The following PTPRA variants were observed in gnomAD, a reference collection of about 807,000 sequenced individuals.
PTPRA encodes the protein protein tyrosine phosphatase receptor type A.
Under a neutral mutation model 104.8 loss-of-function variants are expected in PTPRA, and 25 were observed. The ratio of observed to expected loss-of-function variants is 0.24; its 90% CI spans 0.17 to 0.33. The LOEUF (loss-of-function observed/expected upper bound fraction) is 0.33. PTPRA is among the 10% of genes least tolerant of loss of function. The pLI is 1.00. For synonymous variants in PTPRA, 323 were observed against 368.9 expected (o/e 0.88, Z 1.43); for missense variants, 765 against 1,015.3 (o/e 0.75, Z 3.35).
intron 6 of PTPRA, among the ~76,000 whole-genome samples, chr20:2,984,138 A>G (rs1461974893): frequency 6.6e-6 from 1 of 152,140 alleles, no homozygotes; most frequent in Non-Finnish European, 1.5e-5. Context: ...AGAGCCACAT[A>G]CCACAGTATG....
At chr20:3,002,142 A>G (rs1240486835) in intron 9 of PTPRA, among the ~76,000 whole-genome samples, 1 of 147,552 alleles carries the variant, frequency 6.8e-6, no homozygotes, top group Non-Finnish European at 1.5e-5. Flanking sequence ...CCTGTCTCCA[A>G]AAAAAAACAA....
chr20:2,928,042 C>T (rs1457536493), intron 2 of PTPRA, among the ~76,000 whole-genome samples: 1 of 152,114 alleles, frequency 6.6e-6, no homozygotes, highest in Non-Finnish European at 1.5e-5. Flanking sequence ...TCTATCTTAC[C>T]AGAGTTCATT....
rs749002611 is a variant in PTPRA, at chr20:3,022,257, AT to A, written c.1328+40del. The A allele has an allele frequency of 6.2e-7, 1 of 1,600,538 alleles. No homozygotes were observed. The highest frequency in any genetic ancestry group is 8.5e-7 in the Non-Finnish European group (1 of 1,171,646). ...CTGACCCTTGTACCCCCACCCCCAC[AT>A]TTCGCCCCCATGGCCAGAGCAGGGG... On this transcript the variant is annotated intron_variant, in intron 15 of 23. Coordinates refer to ENST00000399903, the MANE Select transcript of PTPRA (RefSeq NM_001385305.1). This position sits in a 1 kb window ranked among gnomAD's most constrained non-coding sequence, Gnocchi z 4.6.
chr20:2,990,670 G>A (rs2063132802), intron 9 of PTPRA, among the ~76,000 whole-genome samples: 1 of 152,170 alleles, frequency 6.6e-6, no homozygotes, highest in Admixed American at 6.5e-5. Flanking sequence ...GGTGGAGGTT[G>A]CAGTGAGTCA....
the PTPRA span, chr20:2,865,130 C>G: frequency 5.0e-6 from 8 of 1,614,174 alleles, no homozygotes; most frequent in Non-Finnish European, 6.8e-6. The surrounding 1 kb of genome is among the most constrained non-coding windows in gnomAD (Gnocchi z 5.2). Flanking sequence ...CATCATGCCT[C>G]ATTATCCGGG....
At chr20:2,978,921 T>G (rs2062556862) in intron 6 of PTPRA, among the ~76,000 whole-genome samples, 1 of 152,218 alleles carries the variant, frequency 6.6e-6, no homozygotes, top group Non-Finnish European at 1.5e-5. Context: ...CGTAGGAAGC[T>G]GGACTGAGGT....
intron 7 of PTPRA, 52 bp downstream of exon 7, chr20:2,986,901 T>C: frequency 6.7e-7 from 1 of 1,487,624 alleles, no homozygotes; most frequent in East Asian, 2.3e-5. Flanking sequence ...AATATCCCAG[T>C]GTCCCAATGA....
At chr20:2,866,490 C>T in the PTPRA span, 6 of 1,614,140 alleles carry the variant, frequency 3.7e-6, no homozygotes, top group East Asian at 2.2e-5. Flanking sequence ...AGCTGAGCCT[C>T]GTATTGTCCC....
intron 1 of PTPRA, among the ~76,000 whole-genome samples, chr20:2,902,201 A>G (rs1321509452): frequency 6.6e-6 from 1 of 151,994 alleles, no homozygotes; most frequent in Non-Finnish European, 1.5e-5. Flanking sequence ...GATTTTTTTA[A>G]AGATTGAAAC....
At chr20:3,020,209 C>T (rs1020351077) in intron 13 of PTPRA, among the ~76,000 whole-genome samples, 11 of 152,196 alleles carry the variant, frequency 7.2e-5, no homozygotes, top group Non-Finnish European at 2.9e-5. Flanking sequence ...CCCGGGTTCA[C>T]ACCATTCTTC....
chr20:2,903,310 G>T (rs2059302376), intron 1 of PTPRA, among the ~76,000 whole-genome samples: 1 of 152,182 alleles, frequency 6.6e-6, no homozygotes, highest in African/African-American at 2.4e-5. Flanking sequence ...GTTGTGATGT[G>T]GAGTAAGTGA....
intron 1 of PTPRA, among the ~76,000 whole-genome samples, chr20:2,874,372 T>G (rs900010762): frequency 6.6e-6 from 1 of 151,254 alleles, no homozygotes; most frequent in African/African-American, 2.4e-5. Flanking sequence ...AATTAGTTAC[T>G]AATTATATCT....
At chr20:2,905,244 A>G (rs2059382097) in intron 1 of PTPRA, among the ~76,000 whole-genome samples, 1 of 152,208 alleles carries the variant, frequency 6.6e-6, no homozygotes. Flanking sequence ...GTCTTCCACA[A>G]AACTGGTCCC....
rs545530960 is a variant in PTPRA, at chr20:2,985,964, T to G, written c.443-801T>G. Among the ~76,000 whole-genome samples the G allele has an allele frequency of 7.2e-5, 11 of 152,010 alleles. No homozygotes were observed. The South Asian group carries it at 1.7e-3, about 23-fold the overall frequency. ...TTGCTCTGTTGCCCAGGGTGGAGTGTAGTGTACAGGCCCGGCTCACTGTAA... is the reference window on the plus strand; with the variant it reads ...TTGCTCTGTTGCCCAGGGTGGAGTGGAGTGTACAGGCCCGGCTCACTGTAA... On this transcript the variant is annotated intron_variant, in intron 6 of 23. Coordinates refer to ENST00000399903, the MANE Select transcript of PTPRA (RefSeq NM_001385305.1).
In PTPRA at chr20:2,988,861, CTG is replaced by C. The variant is rs966903721; in HGVS notation, c.738+391_738+392del. Among the ~76,000 whole-genome samples, 11 of 152,168 alleles carry C rather than the reference CTG, an allele frequency of 7.2e-5. 1 individual carries two copies. Among genetic ancestry groups the C allele is most frequent in the African/African-American group, 2.7e-4 (11 of 41,438 alleles). ...ACCTCACAAACAAGAACAAATATAACTGTGTAAGTTCAAACAGCAGTACAGCA... is the reference window on the plus strand; with the variant it reads ...ACCTCACAAACAAGAACAAATATAACTGTAAGTTCAAACAGCAGTACAGCA... On this transcript the variant is annotated intron_variant, in intron 9 of 23. Transcript: ENST00000399903.
intron 6 of PTPRA, among the ~76,000 whole-genome samples, chr20:2,979,361 G>T (rs1371362724): frequency 6.6e-6 from 1 of 152,102 alleles, no homozygotes; most frequent in Non-Finnish European, 1.5e-5. Context: ...GGACTCTCCT[G>T]TTGCACAGGT....
upstream of PTPRA, among the ~76,000 whole-genome samples, chr20:2,871,620 T>C (rs2089431020): frequency 1.3e-5 from 2 of 152,246 alleles, no homozygotes; most frequent in Admixed American, 1.3e-4. Flanking sequence ...ATAGGGCTGC[T>C]ATCCCAGCTA....
At chr20:2,976,454 A>C (rs971788943) in intron 6 of PTPRA, among the ~76,000 whole-genome samples, 6 of 152,200 alleles carry the variant, frequency 3.9e-5, no homozygotes, top group African/African-American at 1.4e-4. Flanking sequence ...TATCATATCT[A>C]TTTTACCTAC....
rs2061308107 is a variant in PTPRA, at chr20:2,950,250, A to AT, written c.-7+2228dup. Among the ~76,000 whole-genome samples the AT allele has an allele frequency of 1.3e-5, 2 of 151,848 alleles. No individual in the cohort carries two copies. Among genetic ancestry groups the AT allele is most frequent in the Admixed American group, 6.6e-5 (1 of 15,232 alleles). ...CTAGTTTTTTATTCTTTTTCTAGAG[A>AT]TTCGTTCATTTTTCTTAGTTTTATT... On this transcript the variant is annotated intron_variant, in intron 3 of 23. Transcript: ENST00000399903. This position sits in a 1 kb window ranked among gnomAD's most constrained non-coding sequence, Gnocchi z 4.0.
Sources: gnomAD v4.1 joint callset for allele counts (sites outside exome capture counted in the v4.1 genomes callset) on GRCh38, gnomAD v4.1.1 for gene constraint, Gnocchi (gnomAD v3.1) non-coding constraint, MANE v1.5 for transcripts, NCBI Gene and HGNC (gene_info 2026-07-23, HGNC 2026-07-21) for gene names.